The following LIG1 variants were observed in gnomAD, a reference collection of about 807,000 sequenced individuals.
LIG1 encodes ligase I, DNA, ATP-dependent.
LIG1 carries 70 observed loss-of-function variants against 115.7 expected under a neutral mutation model. That is an observed-to-expected ratio of 0.60 (90% CI 0.50 to 0.74). The LOEUF (loss-of-function observed/expected upper bound fraction) is 0.74, where lower values mean the gene tolerates loss of function less well. Among genes scored for constraint, LIG1 ranks in the 30% least tolerant of loss-of-function variants. The probability of loss-of-function intolerance (pLI) is 0.00; values close to 1 mark genes in which losing one functional copy is unlikely to be tolerated. For synonymous variants in LIG1, 487 were observed against 495.3 expected (o/e 0.98, Z 0.22); for missense variants, 1,115 against 1,225.6 (o/e 0.91, Z 1.35).
chr19:48,116,404 C>T (rs550491073), intron 26 of LIG1, among the ~76,000 whole-genome samples: 2 of 146,726 alleles, frequency 1.4e-5, no homozygotes, highest in African/African-American at 5.1e-5. Context: ...GCTGAGATTG[C>T]GCCACTGTAC....
intron 18 of LIG1, among the ~76,000 whole-genome samples, chr19:48,132,554 G>A (rs1238246892): frequency 6.6e-6 from 1 of 151,932 alleles, no homozygotes; most frequent in Non-Finnish European, 1.5e-5. Flanking sequence ...CACTTTGGGA[G>A]GCTGAGGTGG....
At chr19:48,127,156 G>T in intron 21 of LIG1, 121 bp downstream of exon 21, 1 of 817,304 alleles carries the variant, frequency 1.2e-6, no homozygotes, top group Non-Finnish European at 2.1e-6. Flanking sequence ...TGCTGCCCAA[G>T]TGTGGCTTCC....
intron 4 of LIG1, 37 bp from the exon 5 acceptor site, chr19:48,157,177 G>A (rs780591775): frequency 3.3e-5 from 52 of 1,581,764 alleles, no homozygotes; most frequent in South Asian, 1.1e-4. Context: ...GTGAGCGGGG[G>A]AAGGAGGGAC....
chr19:48,131,167 TG>T lies in LIG1; in HGVS notation c.1729del (p.His577ThrfsTer8), dbSNP rs2033998271. ...CTTCACCTCCCCGCCTTCCAGGGCG[TG>T]GATCTGTCACGATGGGAGAAGGGAG... ...YKYDGQRAQI[H>X]ALEGGEVKIF... On this transcript the variant is annotated frameshift_variant, in exon 19 of 28. Coordinates refer to ENST00000263274, the MANE Select transcript of LIG1 (RefSeq NM_000234.3). LOFTEE classifies it high-confidence loss of function. The T allele has an allele frequency of 6.2e-7, 1 of 1,613,166 alleles. No individual in the cohort carries two copies. Among genetic ancestry groups the T allele is most frequent in the African/African-American group, 1.3e-5 (1 of 74,896 alleles).
intron 24 of LIG1, chr19:48,120,730 G>T: frequency 2.9e-6 from 1 of 344,650 alleles, no homozygotes; most frequent in Non-Finnish European, 4.2e-6. Flanking sequence ...GCGTGGAGCA[G>T]GCATGGCCAT....
At chr19:48,148,337 G>C (rs1009319067) in intron 9 of LIG1, among the ~76,000 whole-genome samples, 2 of 152,108 alleles carry the variant, frequency 1.3e-5, no homozygotes, top group African/African-American at 4.8e-5. Flanking sequence ...AGCCAGGCTT[G>C]GTGGCGAGGC....
chr19:48,157,215 G>A (rs45516695), intron 4 of LIG1, 75 bp from the exon 5 acceptor site: 44 of 1,487,960 alleles, frequency 3.0e-5, no homozygotes, highest in African/African-American at 4.2e-5. Flanking sequence ...GAGAGTAGAG[G>A]GGACTGAAAC....
chr19:48,155,661 G>A (rs2035787258), intron 5 of LIG1, among the ~76,000 whole-genome samples: 1 of 152,136 alleles, frequency 6.6e-6, no homozygotes, highest in African/African-American at 2.4e-5. Flanking sequence ...GGTTGAACTT[G>A]GTTTGAAGAG....
chr19:48,166,127 T>C (rs772830423), intron 1 of LIG1, among the ~76,000 whole-genome samples: 1 of 152,214 alleles, frequency 6.6e-6, no homozygotes, highest in Non-Finnish European at 1.5e-5. Context: ...TCAGGCACAG[T>C]AGCTCACGCC....
At chr19:48,162,171 A>G (rs1343669994) in intron 3 of LIG1, 91 bp downstream of exon 3, 10 of 1,278,246 alleles carry the variant, frequency 7.8e-6, no homozygotes, top group South Asian at 1.2e-5. Flanking sequence ...TTGGGCCCCA[A>G]GACATTTTGC....
intron 15 of LIG1, 59 bp downstream of exon 15, chr19:48,135,975 A>T: frequency 1.5e-6 from 2 of 1,308,040 alleles, no homozygotes; most frequent in Non-Finnish European, 2.1e-6. Context: ...TCTGAAGAGG[A>T]GGGGGGAAGC....
At chr19:48,162,914 T>C (rs2036264624) in intron 2 of LIG1, among the ~76,000 whole-genome samples, 1 of 117,428 alleles carries the variant, frequency 8.5e-6, no homozygotes, top group Non-Finnish European at 1.8e-5. Flanking sequence ...AACTATGCAC[T>C]TTTTAAATCT....
chr19:48,136,024 A>C lies in LIG1; in HGVS notation c.1423+10T>G. 1 of 1,553,464 alleles carries C rather than the reference A, an allele frequency of 6.4e-7. No homozygotes were observed. Among genetic ancestry groups the C allele is most frequent in the Non-Finnish European group, 8.7e-7 (1 of 1,147,840 alleles). Reference sequence around the variant, plus strand: ...AGCGAGGGATGCAGAGACGGGCCACAGGAGCTCACCTTGGCCCGGGGGCGT... The same window carrying C: ...AGCGAGGGATGCAGAGACGGGCCACCGGAGCTCACCTTGGCCCGGGGGCGT... On this transcript the variant is annotated intron_variant, in intron 15 of 27. Coordinates refer to ENST00000263274, the MANE Select transcript of LIG1 (RefSeq NM_000234.3).
chr19:48,140,169 C>G lies in LIG1; in HGVS notation c.915-26G>C, dbSNP rs147284719. 7.5e-6 allele frequency: 12 copies of G among 1,605,088 alleles called. No individual in the cohort carries two copies. The African/African-American group carries it at 1.3e-4, about 18-fold the overall frequency. ...CTGGAGGAGGGGACGGGGGTATGAA[C>G]ACGTGGTTCCTCAAGGTCAAAGTGT... On this transcript the variant is annotated intron_variant, in intron 11 of 27. Coordinates refer to ENST00000263274, the MANE Select transcript of LIG1 (RefSeq NM_000234.3).
At position 48,137,932 on chromosome 19, in the gene LIG1, T is replaced by C. The variant is rs914778589; in HGVS notation, c.1088-244A>G. 3.4e-6 allele frequency: 2 copies of C among 594,270 alleles called. No individual in the cohort carries two copies. The highest frequency in any genetic ancestry group is 3.0e-6 in the Non-Finnish European group (1 of 328,028). 36.8% of individuals were successfully genotyped at this position (594,270 alleles called of 1,614,324 possible). ...CAGGAAAGCGGTGGATGAACGAGCA[T>C]GACCACACTCAGGGGAGACATCTGG... On this transcript the variant is annotated intron_variant, in intron 12 of 27. Coordinates refer to ENST00000263274, the MANE Select transcript of LIG1 (RefSeq NM_000234.3). This position sits in a 1 kb window ranked among gnomAD's most constrained non-coding sequence, Gnocchi z 4.3.
intron 14 of LIG1, 32 bp downstream of exon 14, chr19:48,136,976 C>A: frequency 6.4e-7 from 1 of 1,567,958 alleles, no homozygotes; most frequent in Non-Finnish European, 8.7e-7. Context: ...CCTGCAGTCC[C>A]CCTCTGTAGC....
chr19:48,120,981 C>T, intron 24 of LIG1, 189 bp downstream of exon 24: 4 of 1,476,440 alleles, frequency 2.7e-6, no homozygotes, highest in Middle Eastern at 1.9e-4. Flanking sequence ...TCTTTCTATC[C>T]CAGCCTGTTT....
chr19:48,165,489 T>C lies in LIG1; in HGVS notation c.17+61A>G, dbSNP rs568932251. 11 of 1,271,252 alleles carry C rather than the reference T, an allele frequency of 8.7e-6. No homozygotes were observed. In the South Asian group the frequency reaches 1.3e-4, roughly 15 times the overall value. 78.7% of individuals were successfully genotyped at this position (1,271,252 alleles called of 1,614,324 possible). Reference sequence around the variant, plus strand: ...TTTGTTTGTTTTTTTAAGTACAGATTTAGAGAAAGAAACAGAGGACTTGGA... The same window carrying C: ...TTTGTTTGTTTTTTTAAGTACAGATCTAGAGAAAGAAACAGAGGACTTGGA... On this transcript the variant is annotated intron_variant, in intron 2 of 27. Coordinates refer to ENST00000263274, the MANE Select transcript of LIG1 (RefSeq NM_000234.3).
Position 48,167,049 on chromosome 19 carries a change from G to C in LIG1, c.-57-1426C>G, listed in dbSNP as rs984634647. ...GGGTCCACAAAACCCAGGAGTCCAA[G>C]AGCAGAACTCAAGTGGTCTATGAAA... is the stretch of plus-strand genomic sequence containing the variant. On this transcript the variant is annotated intron_variant, in intron 1 of 27. Transcript: ENST00000263274. 9.5e-4 allele frequency among the ~76,000 whole-genome samples: 144 copies of C among 150,946 alleles called. 2 individuals carry two copies. Among genetic ancestry groups the C allele is most frequent in the Non-Finnish European group, 1.9e-4 (13 of 67,844 alleles).
Sources: allele counts gnomAD v4.1 joint callset (sites outside exome capture counted in the v4.1 genomes callset), GRCh38; gene constraint gnomAD v4.1.1; non-coding constraint Gnocchi (gnomAD v3.1); transcripts MANE v1.5; gene names NCBI Gene and HGNC (gene_info 2026-07-23, HGNC 2026-07-21).